The following APBB1IP variants were observed in gnomAD, a reference collection of about 807,000 sequenced individuals.
APBB1IP encodes amyloid beta A4 precursor protein-binding family B member 1-interacting protein.
In APBB1IP, 27 loss-of-function variants were observed where a neutral mutation model predicts 64.9. The observed-to-expected ratio is 0.42, with a 90% CI of 0.31 to 0.57. APBB1IP has a LOEUF of 0.57. APBB1IP is among the 20% of genes least tolerant of loss of function. APBB1IP has a pLI of 0.20. For synonymous variants in APBB1IP, 392 were observed against 331.0 expected (o/e 1.18, Z -2.00); for missense variants, 812 against 845.5 (o/e 0.96, Z 0.49).
At chr10:26,530,779 G>A (rs1836543104) in intron 8 of APBB1IP, among the ~76,000 whole-genome samples, 4 of 152,080 alleles carry the variant, frequency 2.6e-5, no homozygotes, top group Admixed American at 2.6e-4. Context: ...CATCTGTAAA[G>A]TAGCAATAGC....
intron 2 of APBB1IP, among the ~76,000 whole-genome samples, chr10:26,482,529 C>T (rs943335983): frequency 3.3e-5 from 5 of 152,118 alleles, no homozygotes; most frequent in African/African-American, 9.7e-5. Flanking sequence ...CCAGCATTTG[C>T]GAGCATCCGA....
intron 8 of APBB1IP, among the ~76,000 whole-genome samples, chr10:26,521,820 G>T (rs182980486): frequency 6.6e-6 from 1 of 152,054 alleles, no homozygotes; most frequent in Non-Finnish European, 1.5e-5. Flanking sequence ...GCATGATTAC[G>T]ACTCACTGCA....
At chr10:26,449,987 C>T (rs1177410173) in intron 2 of APBB1IP, among the ~76,000 whole-genome samples, 1 of 151,894 alleles carries the variant, frequency 6.6e-6, no homozygotes. Context: ...ACCTGGGTGA[C>T]AGAGCAAGAC....
intron 2 of APBB1IP, among the ~76,000 whole-genome samples, chr10:26,456,406 T>C (rs1429281252): frequency 6.6e-6 from 1 of 152,058 alleles, no homozygotes; most frequent in Non-Finnish European, 1.5e-5. Context: ...GATGGATGTC[T>C]GAAAGATGAG....
chr10:26,463,304 G>A (rs373804309), intron 2 of APBB1IP, among the ~76,000 whole-genome samples: 1 of 152,170 alleles, frequency 6.6e-6, no homozygotes, highest in Admixed American at 6.5e-5. Flanking sequence ...GCTGGGGATA[G>A]TGTCACACAC....
At chr10:26,513,031 A>G (rs145039262) in intron 7 of APBB1IP, among the ~76,000 whole-genome samples, 2 of 152,384 alleles carry the variant, frequency 1.3e-5, no homozygotes, top group African/African-American at 4.8e-5. Flanking sequence ...AATTTCATTC[A>G]AAGTGTTTCA....
At chr10:26,500,795 C>G in intron 4 of APBB1IP, 24 bp from the exon 5 acceptor site, 2 of 1,589,474 alleles carry the variant, frequency 1.3e-6, no homozygotes, top group Non-Finnish European at 1.7e-6. Flanking sequence ...GTTTTTATAC[C>G]ATTAATGTGA....
chr10:26,468,227 A>G (rs1401363844), intron 2 of APBB1IP, among the ~76,000 whole-genome samples: 1 of 152,218 alleles, frequency 6.6e-6, no homozygotes, highest in Admixed American at 6.5e-5. Flanking sequence ...CCCAAGAGAA[A>G]TAATAGTCTC....
chr10:26,539,991 A>G (rs1050210326), intron 10 of APBB1IP, among the ~76,000 whole-genome samples: 3 of 152,180 alleles, frequency 2.0e-5, no homozygotes, highest in Admixed American at 1.3e-4. Flanking sequence ...TGGAATAGAA[A>G]CTCATACGGC....
intron 8 of APBB1IP, among the ~76,000 whole-genome samples, chr10:26,514,450 C>G (rs981914788): frequency 6.6e-6 from 1 of 152,178 alleles, no homozygotes; most frequent in Non-Finnish European, 1.5e-5. Flanking sequence ...AAGTAAAAAG[C>G]ATAAATTTAT....
chr10:26,470,539 A>G (rs866634404), intron 2 of APBB1IP, among the ~76,000 whole-genome samples: 20 of 152,336 alleles, frequency 1.3e-4, no homozygotes, highest in African/African-American at 4.6e-4. Context: ...ACTCCATCTC[A>G]AAATAAGTAA....
At chr10:26,527,542 CAAA>C (rs550297713) in intron 8 of APBB1IP, among the ~76,000 whole-genome samples, 21 of 91,178 alleles carry the variant, frequency 2.3e-4, no homozygotes, top group Admixed American at 7.3e-4. Context: ...TACCTTGTCT[CAAA>C]AAAAAAAAAA....
intron 13 of APBB1IP, chr10:26,562,061 C>T (rs1043695530): frequency 1.1e-5 from 4 of 352,836 alleles, no homozygotes; most frequent in African/African-American, 4.2e-5. Context: ...TATCAAATAC[C>T]GTACTCACCT....
At chr10:26,454,188 A>G (rs948169046) in intron 2 of APBB1IP, among the ~76,000 whole-genome samples, 6 of 152,142 alleles carry the variant, frequency 3.9e-5, no homozygotes, top group Admixed American at 3.3e-4. Context: ...CGCCTGTAAT[A>G]CCAGCACTTT....
At chr10:26,544,455 T>C (rs962114132) in intron 11 of APBB1IP, among the ~76,000 whole-genome samples, 4 of 152,170 alleles carry the variant, frequency 2.6e-5, no homozygotes, top group African/African-American at 9.7e-5. Context: ...AGCCTAGGAA[T>C]CTTCATTTTT....
chr10:26,512,800 G>A (rs1836277603), intron 7 of APBB1IP, among the ~76,000 whole-genome samples: 1 of 152,132 alleles, frequency 6.6e-6, no homozygotes. Flanking sequence ...TCGTCTCTCA[G>A]GAGAGCTGGG....
intron 8 of APBB1IP, among the ~76,000 whole-genome samples, chr10:26,523,028 A>C (rs1418808187): frequency 6.6e-6 from 1 of 151,680 alleles, no homozygotes; most frequent in African/African-American, 2.4e-5. Flanking sequence ...AAAAAAAAAA[A>C]AAAACCAAGA....
At chr10:26,464,390 C>A (rs903186900) in intron 2 of APBB1IP, among the ~76,000 whole-genome samples, 1 of 152,094 alleles carries the variant, frequency 6.6e-6, no homozygotes, top group Non-Finnish European at 1.5e-5. Flanking sequence ...ATTTAGTCCT[C>A]GTGACAAATT....
At chr10:26,475,855 T>C (rs1220366022) in intron 2 of APBB1IP, among the ~76,000 whole-genome samples, 2 of 152,180 alleles carry the variant, frequency 1.3e-5, no homozygotes, top group Non-Finnish European at 2.9e-5. Flanking sequence ...GTTTGTTTTG[T>C]TTTGTTTTTT....
Sources: gnomAD v4.1 joint callset for allele counts (sites outside exome capture counted in the v4.1 genomes callset) on GRCh38, gnomAD v4.1.1 for gene constraint, MANE v1.5 for transcripts, NCBI Gene and HGNC (gene_info 2026-07-23, HGNC 2026-07-21) for gene names.